The following SFMBT1 variants were observed in gnomAD, a reference collection of about 807,000 sequenced individuals.
SFMBT1 encodes the protein scm-like with four MBT domains protein 1.
Under a neutral mutation model 108.7 loss-of-function variants are expected in SFMBT1, and 32 were observed. The ratio of observed to expected loss-of-function variants is 0.29; its 90% CI spans 0.22 to 0.40. The LOEUF (loss-of-function observed/expected upper bound fraction) is 0.40, where lower values mean the gene tolerates loss of function less well. Among genes scored for constraint, SFMBT1 ranks in the 10% least tolerant of loss-of-function variants. The pLI is 1.00. For missense variants in SFMBT1, 816 were observed against 1,059.6 expected (o/e 0.77, Z 3.19); for synonymous variants, 348 against 369.5 (o/e 0.94, Z 0.67).
chr3:53,033,845 G>A (rs1023483061), intron 1 of SFMBT1, among the ~76,000 whole-genome samples: 33 of 151,702 alleles, frequency 2.2e-4, no homozygotes, highest in African/African-American at 4.8e-5. Context: ...CAAGGCAGGC[G>A]GGTCACCTGA....
intron 1 of SFMBT1, among the ~76,000 whole-genome samples, chr3:52,990,678 G>C (rs1705088894): frequency 6.6e-6 from 1 of 152,132 alleles, no homozygotes; most frequent in Admixed American, 6.5e-5. Context: ...GAGAGGAAAG[G>C]GAGGGAGAGA....
intron 1 of SFMBT1, among the ~76,000 whole-genome samples, chr3:53,012,769 G>C (rs1698998680): frequency 6.6e-6 from 1 of 151,576 alleles, no homozygotes; most frequent in Admixed American, 6.6e-5. Context: ...AAAAGTCAAA[G>C]GTTAGGGCCT....
intron 1 of SFMBT1, among the ~76,000 whole-genome samples, chr3:53,035,728 C>G (rs1020682005): frequency 2.0e-5 from 3 of 152,194 alleles, no homozygotes; most frequent in Non-Finnish European, 4.4e-5. Context: ...TCCCCAGTAG[C>G]TGGGATTACA....
intron 13 of SFMBT1, among the ~76,000 whole-genome samples, 164 bp from the exon 14 acceptor site, chr3:52,916,378 TTA>T (rs899710476): frequency 3.4e-5 from 5 of 147,168 alleles, no homozygotes; most frequent in African/African-American, 1.3e-4. Context: ...TTTTTTTTTT[TTA>T]AAAGAACAAG....
In SFMBT1 at chr3:53,001,095, C is replaced by T. The variant is rs894472221; in HGVS notation, c.-130-31837G>A. On this transcript the variant is annotated intron_variant, in intron 1 of 20. Coordinates refer to ENST00000394752, the MANE Select transcript of SFMBT1 (RefSeq NM_016329.4). ...CTAACAAGTCAAAAACAAAAAAGAA[C>T]CACACAAAATTCCAAGGGCACAATT... 4.7e-5 allele frequency among the ~76,000 whole-genome samples: 7 copies of T among 150,036 alleles called. 1 individual carries two copies. The highest frequency in any genetic ancestry group is 1.3e-4 in the Admixed American group (2 of 14,864).
chr3:52,954,408 G>A lies in SFMBT1; in HGVS notation c.32C>T (p.Ala11Val), dbSNP rs1703711676. 1 of 1,608,544 alleles carries A rather than the reference G, an allele frequency of 6.2e-7. No individual in the cohort carries two copies. Among genetic ancestry groups the A allele is most frequent in the Non-Finnish European group, 8.5e-7 (1 of 1,178,090 alleles). The change falls in exon 3 of 21, where the codon GCC becomes GTC. Residue 11 changes from alanine to valine, a missense_variant. By Grantham distance (64) the Ala-to-Val change is moderately conservative. Transcript: ENST00000394752. ...TTCTACCTCTTCCATACCAGAGCCG[G>A]CATCTAGAATTAAAAATAAAACAAA... MNGEQQLDAD[A>V]GSGMEEVELS...
intron 14 of SFMBT1, among the ~76,000 whole-genome samples, chr3:52,913,987 T>C (rs1702277481): frequency 6.6e-6 from 1 of 152,224 alleles, no homozygotes; most frequent in Non-Finnish European, 1.5e-5. Context: ...CTTTCAATCA[T>C]CTATTCTGGA....
At chr3:52,980,392 T>C (rs564040133) in intron 1 of SFMBT1, among the ~76,000 whole-genome samples, 4 of 152,238 alleles carry the variant, frequency 2.6e-5, no homozygotes, top group African/African-American at 7.2e-5. Context: ...TCCAGTAAAA[T>C]GCATAAATAA....
At chr3:52,970,772 G>C (rs1222990394) in intron 1 of SFMBT1, among the ~76,000 whole-genome samples, 1 of 152,294 alleles carries the variant, frequency 6.6e-6, no homozygotes, top group East Asian at 1.9e-4. Flanking sequence ...AAAAAGCTTA[G>C]CTTTTAATAC....
intron 1 of SFMBT1, among the ~76,000 whole-genome samples, chr3:53,010,163 T>C (rs1350877704): frequency 6.6e-6 from 1 of 152,176 alleles, no homozygotes; most frequent in Admixed American, 6.5e-5. Flanking sequence ...ATGTTTTAAG[T>C]AGTAAAGGAG....
chr3:52,977,674 A>G (rs1252487258), intron 1 of SFMBT1, among the ~76,000 whole-genome samples: 1 of 152,224 alleles, frequency 6.6e-6, no homozygotes, highest in Non-Finnish European at 1.5e-5. Flanking sequence ...GTGGTTTTAT[A>G]TAGATGTATA....
chr3:52,913,499 G>A lies in SFMBT1; in HGVS notation c.1599C>T (p.Asn533=). The A allele has an allele frequency of 6.2e-7, 1 of 1,614,094 alleles. No homozygotes were observed. Among genetic ancestry groups the A allele is most frequent in the African/African-American group, 1.3e-5 (1 of 75,044 alleles). The change falls in exon 15 of 21, where the codon AAC becomes AAT. Residue 533 remains asparagine, a synonymous_variant. Transcript: ENST00000394752. Reference sequence around the variant, plus strand: ...TTACCTCTCTAAGGACCAGAACACAGTTCCCAGGTCCTACACATTGAGGCA... The same window carrying A: ...TTACCTCTCTAAGGACCAGAACACAATTCCCAGGTCCTACACATTGAGGCA... ...AELPQCVGPG[N]CVLVLREVLT... is the part of the protein sequence containing the mutation.
intron 1 of SFMBT1, among the ~76,000 whole-genome samples, chr3:53,016,271 T>C (rs1207813007): frequency 6.6e-6 from 1 of 152,170 alleles, no homozygotes; most frequent in Non-Finnish European, 1.5e-5. Context: ...TGAGCTCTAA[T>C]AACACTTACC....
chr3:52,913,249 TCTACC>T (rs1485000360), intron 15 of SFMBT1, among the ~76,000 whole-genome samples: 3 of 152,236 alleles, frequency 2.0e-5, no homozygotes, highest in Non-Finnish European at 4.4e-5. Flanking sequence ...AGAAGACCTT[TCTACC>T]CTGACAGAGG....
chr3:52,965,397 C>T (rs934620913), intron 2 of SFMBT1, among the ~76,000 whole-genome samples: 2 of 149,536 alleles, frequency 1.3e-5, no homozygotes, highest in African/African-American at 2.5e-5. Flanking sequence ...AAAATATATA[C>T]ACCAGACTCA....
chr3:52,980,673 A>G (rs1213259981), intron 1 of SFMBT1, among the ~76,000 whole-genome samples: 5 of 151,374 alleles, frequency 3.3e-5, no homozygotes, highest in Non-Finnish European at 7.4e-5. Context: ...AAAAAAAAAA[A>G]GCAAAGGAAA....
At chr3:53,017,093 T>C (rs1228800920) in intron 1 of SFMBT1, among the ~76,000 whole-genome samples, 3 of 152,230 alleles carry the variant, frequency 2.0e-5, no homozygotes, top group Non-Finnish European at 1.5e-5. Context: ...GTACTTTATA[T>C]ACAGTATACA....
intron 3 of SFMBT1, among the ~76,000 whole-genome samples, chr3:52,951,782 G>T (rs993080447): frequency 6.6e-6 from 1 of 152,134 alleles, no homozygotes; most frequent in Non-Finnish European, 1.5e-5. Context: ...GCCCTGGGCG[G>T]GCCAGGTGTT....
chr3:52,983,791 A>G (rs991496733), intron 1 of SFMBT1, among the ~76,000 whole-genome samples: 1 of 152,270 alleles, frequency 6.6e-6, no homozygotes, highest in Admixed American at 6.5e-5. Flanking sequence ...AGATGAACTC[A>G]GGAAGCTATC....
Sources: allele counts gnomAD v4.1 joint callset (sites outside exome capture counted in the v4.1 genomes callset), GRCh38; gene constraint gnomAD v4.1.1; transcripts MANE v1.5; gene names NCBI Gene and HGNC (gene_info 2026-07-23, HGNC 2026-07-21).